Variants in GRID2 observed in about 807,000 individuals in gnomAD.
The protein encoded by GRID2 is glutamate ionotropic receptor delta type subunit 2.
A neutral mutation model predicts 114.8 loss-of-function variants in GRID2; 33 were observed. The observed-to-expected ratio is 0.29, with a 90% CI of 0.22 to 0.38. The LOEUF is 0.38. Among genes scored for constraint, GRID2 ranks in the 10% least tolerant of loss-of-function variants. The probability of loss-of-function intolerance (pLI) is 1.00; values close to 1 mark genes in which losing one functional copy is unlikely to be tolerated. For missense variants in GRID2, 1,184 were observed against 1,257.7 expected (o/e 0.94, Z 0.89); for synonymous variants, 505 against 449.9 (o/e 1.12, Z -1.55).
intron 2 of GRID2, among the ~76,000 whole-genome samples, chr4:92,788,724 T>C (rs114737306): frequency 0.018 from 2,725 of 152,008 alleles, 75 homozygotes; most frequent in African/African-American, 0.063. Flanking sequence ...TTGGACATTA[T>C]TATCTATCTT....
At chr4:93,595,829 G>C (rs535387692) in intron 13 of GRID2, among the ~76,000 whole-genome samples, 1 of 152,046 alleles carries the variant, frequency 6.6e-6, no homozygotes, top group African/African-American at 2.4e-5. Flanking sequence ...AAATGAGATC[G>C]TTATTTGCTC....
At chr4:92,328,913 G>A (rs959933905) in intron 1 of GRID2, among the ~76,000 whole-genome samples, 1 of 151,762 alleles carries the variant, frequency 6.6e-6, no homozygotes, top group South Asian at 2.1e-4. Flanking sequence ...TAAATTATTT[G>A]TTCATTTTTA....
chr4:92,856,707 G>C (rs1197611078), intron 2 of GRID2, among the ~76,000 whole-genome samples: 4 of 152,156 alleles, frequency 2.6e-5, no homozygotes, highest in African/African-American at 9.7e-5. Context: ...TGATGCATTA[G>C]AGAAGTTATC....
At chr4:93,702,124 C>A (rs1727565555) in intron 14 of GRID2, among the ~76,000 whole-genome samples, 1 of 152,040 alleles carries the variant, frequency 6.6e-6, no homozygotes, top group Non-Finnish European at 1.5e-5. Flanking sequence ...CAAATAATAA[C>A]TGAAAATGCA....
At chr4:92,924,577 A>G (rs1749659825) in intron 2 of GRID2, among the ~76,000 whole-genome samples, 1 of 152,146 alleles carries the variant, frequency 6.6e-6, no homozygotes, top group East Asian at 1.9e-4. Flanking sequence ...TGGACAAACC[A>G]TAGAGCACTA....
At position 93,257,164 on chromosome 4, in the gene GRID2, T is replaced by G. The variant is rs577344101; in HGVS notation, c.1245+18674T>G. Reference sequence around the variant, plus strand: ...CAGAAAATGACATATATGTAGTGCCTAGCATTCTAATCTTGTTTATCTGAT... The same window carrying G: ...CAGAAAATGACATATATGTAGTGCCGAGCATTCTAATCTTGTTTATCTGAT... On this transcript the variant is annotated intron_variant, in intron 8 of 15. Coordinates refer to ENST00000282020, the MANE Select transcript of GRID2 (RefSeq NM_001510.4). Among the ~76,000 whole-genome samples the G allele has an allele frequency of 2.8e-4, 43 of 151,934 alleles. 1 individual carries two copies. The highest frequency in any genetic ancestry group is 1.5e-3 in the South Asian group (7 of 4,824).
chr4:93,521,486 G>T (rs1224431916), intron 13 of GRID2, among the ~76,000 whole-genome samples: 1 of 152,118 alleles, frequency 6.6e-6, no homozygotes. Context: ...ATTTCAAGAA[G>T]TTCAGAGGAT....
chr4:92,681,324 G>T (rs1249739195), intron 2 of GRID2, among the ~76,000 whole-genome samples: 1 of 152,178 alleles, frequency 6.6e-6, no homozygotes, highest in Non-Finnish European at 1.5e-5. Context: ...AATATTGTGG[G>T]TGTGGATCAT....
intron 8 of GRID2, among the ~76,000 whole-genome samples, chr4:93,326,246 C>T (rs572800990): frequency 2.0e-5 from 3 of 152,082 alleles, no homozygotes; most frequent in Non-Finnish European, 4.4e-5. Flanking sequence ...TCAAAATCAC[C>T]CCATCATGGT....
At chr4:92,309,796 C>T (rs1445302250) in intron 1 of GRID2, among the ~76,000 whole-genome samples, 1 of 151,784 alleles carries the variant, frequency 6.6e-6, no homozygotes, top group Admixed American at 6.6e-5. Context: ...TCTTCTTAAA[C>T]TAATACTTAT....
chr4:92,836,084 C>CT (rs1403848675), intron 2 of GRID2, among the ~76,000 whole-genome samples: 1 of 152,022 alleles, frequency 6.6e-6, no homozygotes, highest in African/African-American at 2.4e-5. Flanking sequence ...TTGTAAATAG[C>CT]TTTTTTTGGA....
At position 93,131,145 on chromosome 4, in the gene GRID2, A is replaced by ATTTTTTTTTTTTTTTT. The variant is rs34215461; in HGVS notation, c.735+20201_735+20216dup. Among the ~76,000 whole-genome samples, 642 of 88,708 alleles carry ATTTTTTTTTTTTTTTT rather than the reference A, an allele frequency of 7.2e-3. 39 individuals carry two copies. Among genetic ancestry groups the ATTTTTTTTTTTTTTTT allele is most frequent in the East Asian group, 0.017 (45 of 2,714 alleles). The allele number at this position is 88,708 out of a possible 152,430, so 58.2% of individuals were successfully genotyped here. On this transcript the variant is annotated intron_variant, in intron 4 of 15. Coordinates refer to ENST00000282020, the MANE Select transcript of GRID2 (RefSeq NM_001510.4). ...AGAACTTCCATGAAAAGATTAAATA[A>ATTTTTTTTTTTTTTTT]TTTTTTTTTTTTTTTTTTTTTTTTG...
chr4:93,303,203 C>A (rs891293029), intron 8 of GRID2, among the ~76,000 whole-genome samples: 1 of 152,200 alleles, frequency 6.6e-6, no homozygotes, highest in African/African-American at 2.4e-5. Flanking sequence ...AATCACCTCC[C>A]TCCAGGCACC....
At chr4:92,622,129 G>A (rs1472316198) in intron 2 of GRID2, among the ~76,000 whole-genome samples, 2 of 151,686 alleles carry the variant, frequency 1.3e-5, no homozygotes, top group Non-Finnish European at 2.9e-5. Context: ...TGCTACTGGG[G>A]AGAGTCAATT....
chr4:93,185,616 A>G (rs992199403), intron 4 of GRID2, among the ~76,000 whole-genome samples: 9 of 152,214 alleles, frequency 5.9e-5, no homozygotes, highest in African/African-American at 2.2e-4. Context: ...AAAACTGTAG[A>G]TATTAATGAC....
At chr4:92,918,898 A>G (rs987067947) in intron 2 of GRID2, among the ~76,000 whole-genome samples, 11 of 152,040 alleles carry the variant, frequency 7.2e-5, no homozygotes, top group African/African-American at 2.4e-4. Context: ...CTCTTTTTCT[A>G]TTGATTGTAA....
chr4:92,856,347 C>T (rs531911039), intron 2 of GRID2, among the ~76,000 whole-genome samples: 9 of 152,160 alleles, frequency 5.9e-5, no homozygotes, highest in Non-Finnish European at 1.2e-4. Context: ...CCAGTCCCTT[C>T]GCTCCTTACC....
At chr4:93,344,189 G>A (rs1444791278) in intron 8 of GRID2, among the ~76,000 whole-genome samples, 2 of 151,968 alleles carry the variant, frequency 1.3e-5, no homozygotes, top group Non-Finnish European at 1.5e-5. Flanking sequence ...TACAAGACTG[G>A]TCATCAACAT....
chr4:92,811,998 G>A (rs1188763361), intron 2 of GRID2, among the ~76,000 whole-genome samples: 2 of 152,066 alleles, frequency 1.3e-5, no homozygotes, highest in Non-Finnish European at 2.9e-5. Flanking sequence ...TAGGCATTTT[G>A]CATAAGTAAA....
Sources: allele counts gnomAD v4.1 joint callset (sites outside exome capture counted in the v4.1 genomes callset), GRCh38; gene constraint gnomAD v4.1.1; transcripts MANE v1.5; gene names NCBI Gene and HGNC (gene_info 2026-07-23, HGNC 2026-07-21).